Variants in CPXM2 observed in about 807,000 individuals in gnomAD.
CPXM2 encodes the protein inactive carboxypeptidase-like protein X2.
In CPXM2, 66 loss-of-function variants were observed where a neutral mutation model predicts 86.1. That is an observed-to-expected ratio of 0.77 (90% CI 0.63 to 0.94). The LOEUF (loss-of-function observed/expected upper bound fraction) is 0.94. CPXM2 is among the 40% of genes least tolerant of loss of function. The probability of loss-of-function intolerance (pLI) is 0.00; values close to 1 mark genes in which losing one functional copy is unlikely to be tolerated. For synonymous variants in CPXM2, 388 were observed against 400.2 expected (o/e 0.97, Z 0.36); for missense variants, 948 against 1,026.3 (o/e 0.92, Z 1.04).
At position 123,818,241 on chromosome 10, in the gene CPXM2, C is replaced by T. The variant is rs151252063; in HGVS notation, c.654-19042G>A. Among the ~76,000 whole-genome samples, 1,208 of 152,298 alleles carry T rather than the reference C, an allele frequency of 7.9e-3. 14 individuals carry two copies. Among genetic ancestry groups the T allele is most frequent in the African/African-American group, 0.027 (1,115 of 41,566 alleles). ...ATCTTTCCCCAGCCACCCCTGTAATCGCCCAATGGGCCCGTGAACAAAGTA... is the reference window on the plus strand; with the variant it reads ...ATCTTTCCCCAGCCACCCCTGTAATTGCCCAATGGGCCCGTGAACAAAGTA... On this transcript the variant is annotated intron_variant, in intron 4 of 13. Transcript: ENST00000241305.
intron 3 of CPXM2, among the ~76,000 whole-genome samples, chr10:123,844,376 A>T (rs990505558): frequency 1.3e-5 from 2 of 152,170 alleles, no homozygotes; most frequent in African/African-American, 4.8e-5. Flanking sequence ...GAATGAATCT[A>T]CTACAATACC....
chr10:123,858,997 C>A (rs1022937123), intron 3 of CPXM2, among the ~76,000 whole-genome samples: 6 of 152,234 alleles, frequency 3.9e-5, no homozygotes, highest in African/African-American at 1.4e-4. Flanking sequence ...ATGAGGGCAT[C>A]TCACCCGAGG....
chr10:123,845,091 T>C (rs2134160637), intron 3 of CPXM2, among the ~76,000 whole-genome samples: 1 of 150,500 alleles, frequency 6.6e-6, no homozygotes, highest in African/African-American at 2.4e-5. Context: ...AAAATACAAT[T>C]AATTCCCCCA....
intron 2 of CPXM2, among the ~76,000 whole-genome samples, chr10:123,930,792 C>T (rs75937295): frequency 2.6e-5 from 4 of 152,342 alleles, no homozygotes; most frequent in Admixed American, 6.5e-5. Context: ...GTCATGATGG[C>T]GTTTCCTGAC....
At chr10:123,901,474 T>TGTGTGTGTGTGTGTGTG (rs1564818122) in intron 2 of CPXM2, among the ~76,000 whole-genome samples, 5 of 149,588 alleles carry the variant, frequency 3.3e-5, no homozygotes, top group African/African-American at 7.4e-5. Context: ...TGTGTGTGTG[T>TGTGTGTGTGTGTGTGTG]TTTCCCCTAT....
chr10:123,930,793 G>A (rs940327623), intron 2 of CPXM2, among the ~76,000 whole-genome samples: 6 of 152,192 alleles, frequency 3.9e-5, no homozygotes, highest in Admixed American at 6.5e-5. Flanking sequence ...TCATGATGGC[G>A]TTTCCTGACA....
chr10:123,810,311 C>T lies in CPXM2; in HGVS notation c.654-11112G>A, dbSNP rs188208230. Reference sequence around the variant, plus strand: ...ACAAATCCATCAGCATAGAAGAGTACTAATATTCCTCTCTCAATTATTATT... The same window carrying T: ...ACAAATCCATCAGCATAGAAGAGTATTAATATTCCTCTCTCAATTATTATT... On this transcript the variant is annotated intron_variant, in intron 4 of 13. Transcript: ENST00000241305. Among the ~76,000 whole-genome samples, 916 of 151,978 alleles carry T rather than the reference C, an allele frequency of 6.0e-3. 4 individuals are homozygous for T. The highest frequency in any genetic ancestry group is 0.01 in the Non-Finnish European group (702 of 67,866).
chr10:123,880,990 C>T (rs970020607), intron 1 of CPXM2, among the ~76,000 whole-genome samples: 1 of 151,766 alleles, frequency 6.6e-6, no homozygotes, highest in African/African-American at 2.4e-5. Context: ...GCTTCTCCAA[C>T]CTAACTCTCT....
At chr10:123,926,159 G>A (rs1471183780) in intron 2 of CPXM2, among the ~76,000 whole-genome samples, 1 of 152,200 alleles carries the variant, frequency 6.6e-6, no homozygotes, top group Non-Finnish European at 1.5e-5. Flanking sequence ...CATGCCATTG[G>A]CCAAAGTAAG....
chr10:123,879,478 A>G (rs1945046360), intron 2 of CPXM2, among the ~76,000 whole-genome samples: 1 of 152,202 alleles, frequency 6.6e-6, no homozygotes, highest in South Asian at 2.1e-4. Context: ...ATGGATAATA[A>G]TGATAATAAT....
chr10:123,788,592 A>G (rs1022147995), intron 6 of CPXM2, among the ~76,000 whole-genome samples: 11 of 152,194 alleles, frequency 7.2e-5, no homozygotes, highest in African/African-American at 2.7e-4. Flanking sequence ...TTTCTGCTCC[A>G]AAAGCGAAGC....
intron 10 of CPXM2, among the ~76,000 whole-genome samples, chr10:123,762,803 T>C (rs182429410): frequency 7.2e-5 from 11 of 152,378 alleles, no homozygotes; most frequent in Admixed American, 6.5e-4. Flanking sequence ...GTATTTATCA[T>C]AAATTGCTAA....
intron 2 of CPXM2, among the ~76,000 whole-genome samples, chr10:123,916,712 G>A (rs376723121): frequency 5.9e-5 from 9 of 152,022 alleles, no homozygotes; most frequent in Admixed American, 3.9e-4. Flanking sequence ...CTGGCTAAAT[G>A]ATCTGAAGAA....
At chr10:123,851,497 C>T (rs538198645) in intron 3 of CPXM2, among the ~76,000 whole-genome samples, 38 of 152,268 alleles carry the variant, frequency 2.5e-4, no homozygotes, top group Admixed American at 9.1e-4. Context: ...TGACCAGGCA[C>T]GGTGGCTCAT....
At chr10:123,771,566 C>G (rs567990076) in intron 7 of CPXM2, among the ~76,000 whole-genome samples, 7 of 152,180 alleles carry the variant, frequency 4.6e-5, no homozygotes, top group Non-Finnish European at 8.8e-5. Flanking sequence ...TGATCTTGGA[C>G]ATTCCCACCT....
In CPXM2 at chr10:123,880,218, G is replaced by A. The variant is rs1225224905; in HGVS notation, c.396C>T (p.Val132=). Residue 132 remains valine, a synonymous_variant, in exon 2 of 14, where the codon GTC becomes GTT. Coordinates refer to ENST00000241305, the MANE Select transcript of CPXM2 (RefSeq NM_198148.3). The part of the protein sequence containing the change: ...DHSVRVARED[V]RESCPPLGLE... ...TCCGAGAGCCTCACTTACTCTCTCTGACATCTTCACGGGCCACACGGACAC... is the reference window on the plus strand; with the variant it reads ...TCCGAGAGCCTCACTTACTCTCTCTAACATCTTCACGGGCCACACGGACAC... 2 of 1,428,668 alleles carry A rather than the reference G, an allele frequency of 1.4e-6. No individual in the cohort carries two copies. The highest frequency in any genetic ancestry group is 2.3e-5 in the South Asian group (2 of 88,004). The allele number at this position is 1,428,668 out of a possible 1,614,324, so 88.5% of individuals were successfully genotyped here.
intron 3 of CPXM2, among the ~76,000 whole-genome samples, chr10:123,846,051 C>T (rs556599180): frequency 2.0e-5 from 3 of 152,300 alleles, no homozygotes; most frequent in African/African-American, 7.2e-5. Flanking sequence ...ATTTTTCATA[C>T]ACCATTTCCA....
At chr10:123,849,510 A>G (rs567286098) in intron 3 of CPXM2, among the ~76,000 whole-genome samples, 69 of 141,866 alleles carry the variant, frequency 4.9e-4, no homozygotes, top group African/African-American at 1.7e-3. Context: ...GCACAATCTC[A>G]GCTCACTGCA....
At chr10:123,830,526 A>G (rs1848141689) in intron 4 of CPXM2, among the ~76,000 whole-genome samples, 1 of 152,202 alleles carries the variant, frequency 6.6e-6, no homozygotes. Flanking sequence ...AAGTAGGGAA[A>G]GCACTATTAA....
Sources: allele counts gnomAD v4.1 joint callset (sites outside exome capture counted in the v4.1 genomes callset), GRCh38; gene constraint gnomAD v4.1.1; transcripts MANE v1.5; gene names NCBI Gene and HGNC (gene_info 2026-07-23, HGNC 2026-07-21).